UNC13C: variants seen among roughly 807,000 people sequenced by gnomAD.
UNC13C encodes the protein protein unc-13 homolog C.
A neutral mutation model predicts 245.4 loss-of-function variants in UNC13C; 174 were observed. The ratio of observed to expected loss-of-function variants is 0.71; its 90% CI spans 0.63 to 0.80. UNC13C has a LOEUF of 0.80. Ranked by LOEUF, UNC13C falls within the 30% of genes least tolerant of loss-of-function variation. The pLI is 0.00. For synonymous variants in UNC13C, 992 were observed against 895.1 expected (o/e 1.11, Z -1.93); for missense variants, 2,829 against 2,602.9 (o/e 1.09, Z -1.89).
intron 26 of UNC13C, among the ~76,000 whole-genome samples, chr15:54,540,702 C>T (rs1213776125): frequency 6.6e-6 from 1 of 152,110 alleles, no homozygotes; most frequent in African/African-American, 2.4e-5. Flanking sequence ...TCCACTAAGA[C>T]CTTACCCCTT....
chr15:54,011,687 T>A (rs2140988749), intron 1 of UNC13C, among the ~76,000 whole-genome samples: 1 of 152,358 alleles, frequency 6.6e-6, no homozygotes, highest in Non-Finnish European at 1.5e-5. Context: ...TGATAGTATT[T>A]GAAACCCAGA....
At chr15:54,261,821 G>A (rs2036434764) in intron 8 of UNC13C, among the ~76,000 whole-genome samples, 1 of 152,156 alleles carries the variant, frequency 6.6e-6, no homozygotes. Flanking sequence ...GGGATTACAG[G>A]CTTGAGCCAC....
Position 54,549,656 on chromosome 15 carries a change from G to A in UNC13C, c.5842G>A (p.Ala1948Thr), listed in dbSNP as rs756705726. 8 of 1,604,358 alleles carry A rather than the reference G, an allele frequency of 5.0e-6. No individual in the cohort carries two copies. In the South Asian group the frequency reaches 5.6e-5, roughly 11 times the overall value. The change falls in exon 28 of 33, where the codon GCA (alanine) becomes ACA (threonine). Residue 1948 changes from alanine to threonine, a missense_variant. Physicochemically the swap from Ala to Thr is moderately conservative, Grantham distance 58. Coordinates refer to ENST00000260323, the MANE Select transcript of UNC13C (RefSeq NM_001080534.3). The stretch of plus-strand genomic sequence containing the variant: ...CTAGGGACCCCAGATGATTTTCATT[G>A]CAGCTAAAGATCTTGGACAATTATC... ...DQTGPQMIFI[A>T]AKDLGQLSKL...
intron 13 of UNC13C, among the ~76,000 whole-genome samples, chr15:54,318,567 C>T (rs758525311): frequency 1.3e-5 from 2 of 151,756 alleles, no homozygotes; most frequent in Non-Finnish European, 2.9e-5. Flanking sequence ...CATTTTTACT[C>T]GGATTATTTG....
At chr15:54,302,781 A>T (rs2037622314) in intron 13 of UNC13C, among the ~76,000 whole-genome samples, 1 of 152,078 alleles carries the variant, frequency 6.6e-6, no homozygotes, top group Admixed American at 6.6e-5. Flanking sequence ...TATGAAATTT[A>T]AAGTAGTGTT....
At chr15:54,000,837 T>A (rs1894852853) in intron 1 of UNC13C, among the ~76,000 whole-genome samples, 1 of 152,228 alleles carries the variant, frequency 6.6e-6, no homozygotes, top group South Asian at 2.1e-4. Context: ...ATCTAATCAA[T>A]GTACCAACTT....
Position 54,626,992 on chromosome 15 carries a change from T to G in UNC13C, c.6524T>G (p.Ile2175Ser), listed in dbSNP as rs896626870. The change falls in exon 33 of 33, where the codon ATC (isoleucine) becomes AGC (serine). Residue 2175 changes from isoleucine (I) to serine (S), a missense_variant. Transcript: ENST00000260323. ...GCATGGTATCCTCTTCTGAAAAATA[T>G]CTCTATGGATGAAACTGGTTTGACT... ...YGAWYPLLKN[I>S]SMDETGLTIL... is the part of the protein sequence containing the mutation. 3 of 1,613,326 alleles carry G rather than the reference T, an allele frequency of 1.9e-6. No individual in the cohort carries two copies. Among genetic ancestry groups the G allele is most frequent in the East Asian group, 2.2e-5 (1 of 44,846 alleles).
chr15:53,916,397 T>C, the UNC13C span, among the ~76,000 whole-genome samples: 4 of 152,214 alleles, frequency 2.6e-5, no homozygotes, highest in South Asian at 2.1e-4. Flanking sequence ...GAAATATCTT[T>C]ACTCTTAATG....
intron 22 of UNC13C, among the ~76,000 whole-genome samples, chr15:54,503,715 C>T (rs971682967): frequency 3.3e-5 from 5 of 152,072 alleles, no homozygotes; most frequent in African/African-American, 4.8e-5. Flanking sequence ...AGATAAAAAT[C>T]GTTTGTGTTT....
intron 19 of UNC13C, among the ~76,000 whole-genome samples, chr15:54,444,132 A>G (rs1436224260): frequency 6.6e-6 from 1 of 151,822 alleles, no homozygotes; most frequent in Non-Finnish European, 1.5e-5. Flanking sequence ...ATGATCCCTT[A>G]TCATTATATA....
chr15:54,296,836 G>T (rs999033293), intron 11 of UNC13C, among the ~76,000 whole-genome samples: 54 of 152,122 alleles, frequency 3.5e-4, no homozygotes, highest in African/African-American at 1.2e-3. Flanking sequence ...TATCTGAAAT[G>T]GGTCTTGAAC....
At chr15:54,107,979 C>T (rs527596342) in intron 2 of UNC13C, among the ~76,000 whole-genome samples, 26 of 152,106 alleles carry the variant, frequency 1.7e-4, no homozygotes, top group African/African-American at 4.8e-4. Context: ...AAAAGAGTGA[C>T]GGTTTCTGTG....
At chr15:53,861,228 A>G in the UNC13C span, among the ~76,000 whole-genome samples, 1 of 152,192 alleles carries the variant, frequency 6.6e-6, no homozygotes, top group African/African-American at 2.4e-5. Context: ...ACCTCCTGCT[A>G]AGTTTATACT....
At chr15:54,260,777 TCTTC>T (rs761074828) in intron 8 of UNC13C, among the ~76,000 whole-genome samples, 23 of 149,756 alleles carry the variant, frequency 1.5e-4, no homozygotes, top group Non-Finnish European at 2.2e-4. Flanking sequence ...ACTTCAATAT[TCTTC>T]CTTCTATTTT....
At chr15:53,854,258 T>C in the UNC13C span, among the ~76,000 whole-genome samples, 8 of 151,764 alleles carry the variant, frequency 5.3e-5, no homozygotes, top group African/African-American at 1.9e-4. Flanking sequence ...GTAGCTGGGA[T>C]TACAGGCACA....
chr15:53,910,413 T>C, the UNC13C span, among the ~76,000 whole-genome samples: 1 of 145,800 alleles, frequency 6.9e-6, no homozygotes, highest in African/African-American at 2.4e-5. Context: ...TAACCTGTTT[T>C]TGTAAGTTCA....
chr15:54,056,244 C>T (rs930994653), intron 2 of UNC13C, among the ~76,000 whole-genome samples: 5 of 152,052 alleles, frequency 3.3e-5, no homozygotes, highest in Admixed American at 6.6e-5. Flanking sequence ...ACTAGAATAA[C>T]CAATGCAGAG....
chr15:54,149,950 T>G (rs1210286240), intron 4 of UNC13C, among the ~76,000 whole-genome samples: 1 of 152,216 alleles, frequency 6.6e-6, no homozygotes, highest in Non-Finnish European at 1.5e-5. Context: ...ACACAAATAC[T>G]GTGCCATTTT....
chr15:54,131,873 GA>G (rs1307120962), intron 2 of UNC13C, among the ~76,000 whole-genome samples: 1 of 152,002 alleles, frequency 6.6e-6, no homozygotes, highest in Non-Finnish European at 1.5e-5. Flanking sequence ...AATGCCTTTT[GA>G]AATCCTTTTT....
Sources: gnomAD v4.1 joint callset for allele counts (sites outside exome capture counted in the v4.1 genomes callset) on GRCh38, gnomAD v4.1.1 for gene constraint, MANE v1.5 for transcripts, NCBI Gene and HGNC (gene_info 2026-07-23, HGNC 2026-07-21) for gene names.